DCAF6: variants seen among roughly 807,000 people sequenced by gnomAD.
DCAF6 encodes DDB1- and CUL4-associated factor 6.
DCAF6 carries 54 observed loss-of-function variants against 125.1 expected under a neutral mutation model. The observed-to-expected ratio is 0.43, with a 90% CI of 0.35 to 0.54. DCAF6 has a LOEUF of 0.54. DCAF6 is among the 20% of genes least tolerant of loss of function. DCAF6 has a pLI of 0.01. For missense variants in DCAF6, 934 were observed against 1,161.7 expected (o/e 0.80, Z 2.85); for synonymous variants, 371 against 390.4 (o/e 0.95, Z 0.58).
At chr1:167,995,932 C>T (rs1385321233) in intron 7 of DCAF6, among the ~76,000 whole-genome samples, 2 of 152,070 alleles carry the variant, frequency 1.3e-5, no homozygotes, top group Non-Finnish European at 2.9e-5. Flanking sequence ...AAGGAATTCA[C>T]AGCTTAGTGG....
At chr1:168,033,451 G>C (rs1326716697) in intron 12 of DCAF6, among the ~76,000 whole-genome samples, 1 of 151,902 alleles carries the variant, frequency 6.6e-6, no homozygotes, top group East Asian at 1.9e-4. Context: ...GAGTAGCTGG[G>C]ACTACAGGCG....
upstream of DCAF6, among the ~76,000 whole-genome samples, chr1:167,931,179 G>A (rs141447306): frequency 1.7e-4 from 26 of 152,298 alleles, no homozygotes; most frequent in East Asian, 4.6e-3. Flanking sequence ...TGATCCACAC[G>A]CCTCGGCCTC....
At chr1:168,017,874 C>G (rs551338908) in intron 11 of DCAF6, among the ~76,000 whole-genome samples, 3 of 152,164 alleles carry the variant, frequency 2.0e-5, no homozygotes, top group African/African-American at 7.2e-5. Flanking sequence ...ACTTTGGTAT[C>G]TTTAGAGTAT....
the DCAF6 span, among the ~76,000 whole-genome samples, chr1:167,883,258 G>C: frequency 3.9e-5 from 6 of 152,160 alleles, no homozygotes; most frequent in African/African-American, 1.2e-4. Context: ...GTCTGGTCTT[G>C]AACTCCTGAC....
At chr1:167,987,447 CTGTTTAAA>C (rs754366442) in intron 4 of DCAF6, 40 bp from the exon 5 acceptor site, 3 of 892,428 alleles carry the variant, frequency 3.4e-6, no homozygotes, top group Non-Finnish European at 5.5e-6. Flanking sequence ...TCAGAGCCGT[CTGTTTAAA>C]TGTTCGTATG....
rs111288350 is a variant in DCAF6 at position 168,011,240 on chromosome 1, T to C, written c.1379-4541T>C. Among the ~76,000 whole-genome samples the C allele has an allele frequency of 5.6e-3, 848 of 151,222 alleles. 5 individuals carry two copies. Among genetic ancestry groups the C allele is most frequent in the African/African-American group, 0.019 (802 of 41,196 alleles). The stretch of plus-strand genomic sequence containing the variant: ...AAGTGATTCCCCTGCCTCAGCCTCC[T>C]GAGTAACTGGGACTACAGGCACATG... On this transcript the variant is annotated intron_variant, in intron 10 of 21. Transcript: ENST00000367840.
At chr1:167,907,123 C>T in the DCAF6 span, among the ~76,000 whole-genome samples, 687 of 152,246 alleles carry the variant, frequency 4.5e-3, 8 homozygotes, top group East Asian at 0.057. Context: ...TCTACAGATA[C>T]TGAAAGAACT....
chr1:167,919,989 G>C, the DCAF6 span: 1 of 1,609,720 alleles, frequency 6.2e-7, no homozygotes, highest in Non-Finnish European at 8.5e-7. Flanking sequence ...CTCCAAATAC[G>C]AAAAAGCTGA....
chr1:167,967,834 G>A (rs1334724467), intron 3 of DCAF6, among the ~76,000 whole-genome samples: 2 of 149,022 alleles, frequency 1.3e-5, no homozygotes, highest in East Asian at 2.0e-4. Flanking sequence ...GCGTTCAAGC[G>A]ATTCTCCTGC....
the DCAF6 span, among the ~76,000 whole-genome samples, chr1:167,911,704 T>G: frequency 6.6e-6 from 1 of 152,226 alleles, no homozygotes. Context: ...CTGCAGGAAG[T>G]AAAAATGCCC....
At chr1:167,939,523 G>T (rs1671907405) in intron 1 of DCAF6, among the ~76,000 whole-genome samples, 1 of 152,196 alleles carries the variant, frequency 6.6e-6, no homozygotes, top group Non-Finnish European at 1.5e-5. Flanking sequence ...AGCACTTTGG[G>T]AGGCCAAGGT....
chr1:167,920,698 C>A, the DCAF6 span: 1 of 1,461,910 alleles, frequency 6.8e-7, no homozygotes, highest in Middle Eastern at 1.8e-4. Context: ...AACTTTAAAT[C>A]AAGCACAAGA....
At chr1:167,883,782 A>T in the DCAF6 span, among the ~76,000 whole-genome samples, 1 of 152,122 alleles carries the variant, frequency 6.6e-6, no homozygotes, top group Non-Finnish European at 1.5e-5. Context: ...GAAGTGGAGC[A>T]GATGGAAATA....
chr1:167,984,520 T>C (rs1485572271), intron 4 of DCAF6, among the ~76,000 whole-genome samples: 1 of 152,062 alleles, frequency 6.6e-6, no homozygotes, highest in Admixed American at 6.6e-5. Flanking sequence ...TAGACAGTAG[T>C]ATACAAAGCA....
Position 168,038,398 on chromosome 1 carries a change from A to C in DCAF6, c.1637A>C (p.Lys546Thr). The C allele has an allele frequency of 6.2e-7, 1 of 1,611,670 alleles. No homozygotes were observed. The change falls in exon 13 of 22, where the codon AAA becomes ACA. Residue 546 changes from lysine to threonine, a missense_variant. Around this residue, in one of 5 missense-constraint regions of DCAF6, gnomAD observed 559 missense variants for 635.5 expected, o/e 0.88. Transcript: ENST00000367840. Reference protein sequence around the residue: ...QDNNNEKLSPKPGTGEPVLSL... With the variant: ...QDNNNEKLSPTPGTGEPVLSL... The stretch of plus-strand genomic sequence containing the variant: ...AACAATAATGAAAAGCTGAGCCCCA[A>C]ACCAGGGACAGGTGAACCAGTTTTA...
intron 12 of DCAF6, among the ~76,000 whole-genome samples, chr1:168,025,982 C>G (rs1453583366): frequency 6.6e-6 from 1 of 152,186 alleles, no homozygotes; most frequent in Admixed American, 6.5e-5. Flanking sequence ...TTTTACATCC[C>G]TTGTACAGGC....
intron 17 of DCAF6, among the ~76,000 whole-genome samples, chr1:168,059,240 A>T (rs776092154): frequency 7.2e-5 from 11 of 152,192 alleles, no homozygotes; most frequent in Non-Finnish European, 1.3e-4. Context: ...CCCCATTTAG[A>T]TAGCCAGTTT....
At chr1:168,046,754 C>A (rs1483814832) in intron 16 of DCAF6, among the ~76,000 whole-genome samples, 1 of 152,052 alleles carries the variant, frequency 6.6e-6, no homozygotes, top group East Asian at 1.9e-4. Context: ...CTGATAATTT[C>A]CAAAATCAAA....
At chr1:167,925,598 G>C in the DCAF6 span, among the ~76,000 whole-genome samples, 1 of 146,200 alleles carries the variant, frequency 6.8e-6, no homozygotes, top group Non-Finnish European at 1.5e-5. Context: ...CCAGGCTGGA[G>C]TGCAATGGCA....
Sources: allele counts gnomAD v4.1 joint callset (sites outside exome capture counted in the v4.1 genomes callset), GRCh38; gene constraint gnomAD v4.1.1; regional missense constraint gnomAD v4.1.1; transcripts MANE v1.5; gene names NCBI Gene and HGNC (gene_info 2026-07-23, HGNC 2026-07-21).